Variants in BICRAL observed in about 807,000 individuals in gnomAD.
The protein encoded by BICRAL is BICRA like chromatin remodeling complex associated protein, also known as BRD4-interacting chromatin-remodeling complex-associated protein-like.
Under a neutral mutation model 91.8 loss-of-function variants are expected in BICRAL, and 8 were observed. That is an observed-to-expected ratio of 0.09 (90% confidence interval 0.05 to 0.16). BICRAL has a LOEUF of 0.16. Ranked by LOEUF, BICRAL falls within the 10% of genes least tolerant of loss-of-function variation. The probability of loss-of-function intolerance (pLI) is 1.00; values close to 1 mark genes in which losing one functional copy is unlikely to be tolerated. For synonymous variants in BICRAL, 445 were observed against 491.1 expected (o/e 0.91, Z 1.24); for missense variants, 1,038 against 1,310.9 (o/e 0.79, Z 3.21).
At chr6:42,809,112 C>A (rs1405020330) in intron 1 of BICRAL, among the ~76,000 whole-genome samples, 1 of 151,680 alleles carries the variant, frequency 6.6e-6, no homozygotes, top group Non-Finnish European at 1.5e-5. Flanking sequence ...GCACCCCCCC[C>A]AACAGGCCCC....
At chr6:42,795,724 T>G (rs1763399185) in intron 1 of BICRAL, among the ~76,000 whole-genome samples, 1 of 152,240 alleles carries the variant, frequency 6.6e-6, no homozygotes, top group Non-Finnish European at 1.5e-5. Context: ...GATTAACTTT[T>G]AAAATTAAAT....
In BICRAL at chr6:42,803,584, G is replaced by A. The variant is rs16896084; in HGVS notation, c.-101-6722G>A. ...TGTCCTTTGGAAACCAGAATCTTAGGAAAGTAATTGCATTGGGTAAACAGT... is the reference window on the plus strand; with the variant it reads ...TGTCCTTTGGAAACCAGAATCTTAGAAAAGTAATTGCATTGGGTAAACAGT... On this transcript the variant is annotated intron_variant, in intron 1 of 12. Coordinates refer to ENST00000314073, the MANE Select transcript of BICRAL (RefSeq NM_001393499.1). 5.7e-3 allele frequency among the ~76,000 whole-genome samples: 871 copies of A among 152,266 alleles called. 6 individuals are homozygous for A. The highest frequency in any genetic ancestry group is 0.018 in the African/African-American group (758 of 41,546).
intron 1 of BICRAL, among the ~76,000 whole-genome samples, chr6:42,792,767 G>A (rs1288713617): frequency 1.3e-5 from 2 of 151,806 alleles, no homozygotes; most frequent in African/African-American, 2.4e-5. Flanking sequence ...ACAAAAATTA[G>A]CCAGGTGTGG....
At chr6:42,776,638 G>A (rs772233494) in intron 1 of BICRAL, among the ~76,000 whole-genome samples, 18 of 152,144 alleles carry the variant, frequency 1.2e-4, no homozygotes, top group Admixed American at 2.0e-4. Context: ...ATGAGCCACC[G>A]TACCTGGCCA....
At chr6:42,750,441 G>A (rs1762357809) in intron 1 of BICRAL, among the ~76,000 whole-genome samples, 1 of 152,094 alleles carries the variant, frequency 6.6e-6, no homozygotes, top group East Asian at 1.9e-4. Flanking sequence ...TGGGACTACA[G>A]GTGTGAGCCC....
At position 42,815,492 on chromosome 6, in the gene BICRAL, C is replaced by T. The variant is rs114695264; in HGVS notation, c.-6+5091C>T. ...CAGGCGTGAGCCACCGTGCCCAGCC[C>T]AGAATATCTTAAATAGGCAAAACTG... On this transcript the variant is annotated intron_variant, in intron 2 of 12. Coordinates refer to ENST00000314073, the MANE Select transcript of BICRAL (RefSeq NM_001393499.1). 7.1e-3 allele frequency among the ~76,000 whole-genome samples: 1,085 copies of T among 151,982 alleles called. 6 individuals are homozygous for T. Among genetic ancestry groups the T allele is most frequent in the African/African-American group, 0.023 (958 of 41,466 alleles).
In BICRAL at chr6:42,847,348, C is replaced by A. The variant is rs7751739; in HGVS notation, c.1840-4744C>A. On this transcript the variant is annotated intron_variant, in intron 6 of 12. Coordinates refer to ENST00000314073, the MANE Select transcript of BICRAL (RefSeq NM_001393499.1). The stretch of plus-strand genomic sequence containing the variant: ...GATGTTTATCAAATTGAGAAAGATC[C>A]CCTCTATTCCTAGTTTGCTGAGAGT... 5.6e-3 allele frequency among the ~76,000 whole-genome samples: 855 copies of A among 152,174 alleles called. 10 individuals are homozygous for A. Among genetic ancestry groups the A allele is most frequent in the African/African-American group, 0.02 (817 of 41,524 alleles).
At chr6:42,828,333 G>A (rs926943664) in intron 5 of BICRAL, among the ~76,000 whole-genome samples, 160 bp from the exon 6 acceptor site, 24 of 151,282 alleles carry the variant, frequency 1.6e-4, no homozygotes, top group African/African-American at 2.2e-4. Flanking sequence ...CCCGGGAGGC[G>A]GAGCTTGCAG....
intron 6 of BICRAL, among the ~76,000 whole-genome samples, chr6:42,835,330 T>C (rs1691887613): frequency 6.6e-6 from 1 of 152,028 alleles, no homozygotes; most frequent in Non-Finnish European, 1.5e-5. Flanking sequence ...GGTTTTACCA[T>C]GTTGGCAAGG....
intron 6 of BICRAL, among the ~76,000 whole-genome samples, chr6:42,833,080 G>A (rs1764540040): frequency 6.7e-6 from 1 of 150,002 alleles, no homozygotes. Flanking sequence ...TTTTGAGATG[G>A]AGTCTCGCTC....
chr6:42,831,536 A>G lies in BICRAL; in HGVS notation c.1839+1364A>G, dbSNP rs1308731775. Among the ~76,000 whole-genome samples, 3 of 152,286 alleles carry G rather than the reference A, an allele frequency of 2.0e-5. No individual in the cohort carries two copies. In the South Asian group the frequency reaches 6.2e-4, roughly 32 times the overall value. On this transcript the variant is annotated intron_variant, in intron 6 of 12. Coordinates refer to ENST00000314073, the MANE Select transcript of BICRAL (RefSeq NM_001393499.1). ...TCATGAGCTTTAGTCCTTCACTGTCATCTGCTGATCCTTCGACGGCTCCAT... is the reference window on the plus strand; with the variant it reads ...TCATGAGCTTTAGTCCTTCACTGTCGTCTGCTGATCCTTCGACGGCTCCAT...
intron 1 of BICRAL, among the ~76,000 whole-genome samples, chr6:42,755,703 T>C (rs1171585414): frequency 6.7e-6 from 1 of 149,464 alleles, no homozygotes; most frequent in Non-Finnish European, 1.5e-5. Context: ...GGAGTCTTGC[T>C]CTGTTGCCCA....
chr6:42,860,228 C>A, intron 10 of BICRAL, 34 bp from the exon 11 acceptor site: 1 of 1,158,172 alleles, frequency 8.6e-7, no homozygotes, highest in Non-Finnish European at 1.3e-6. Flanking sequence ...GATTTACAGT[C>A]TCTCACTATT....
chr6:42,829,087 G>C lies in BICRAL; in HGVS notation c.754G>C (p.Gly252Arg). Residue 252 changes from glycine (G) to arginine (R), a missense_variant, in exon 6 of 13, where the codon GGG becomes CGG. By Grantham distance (125) the Gly-to-Arg change is moderately radical. Around this residue, in one of 5 missense-constraint regions of BICRAL, gnomAD observed 532 missense variants for 724.9 expected, o/e 0.73. Transcript: ENST00000314073. ...GQQAPSNVSG[G>R]LLVHRQTPNG... ...GCAAGCCCCATCAAATGTGAGTGGA[G>C]GGCTCCTGGTTCATAGACAGACTCC... is the stretch of plus-strand genomic sequence containing the variant. 6.2e-7 allele frequency: 1 copy of C among 1,614,140 alleles called. No homozygotes were observed. The highest frequency in any genetic ancestry group is 8.5e-7 in the Non-Finnish European group (1 of 1,180,020).
intron 6 of BICRAL, among the ~76,000 whole-genome samples, chr6:42,849,381 T>C (rs1450890133): frequency 1.3e-5 from 2 of 151,584 alleles, no homozygotes; most frequent in Non-Finnish European, 2.9e-5. Context: ...TCACCACATC[T>C]GGCCTCCTTT....
intron 1 of BICRAL, among the ~76,000 whole-genome samples, chr6:42,762,785 T>G (rs10948045): frequency 0.4 from 60,619 of 151,926 alleles, 13,058 homozygotes; most frequent in African/African-American, 0.57. Context: ...AACTTAAGCC[T>G]GGTGTGGTGG....
intron 5 of BICRAL, among the ~76,000 whole-genome samples, chr6:42,824,849 A>G (rs1764243696): frequency 6.6e-6 from 1 of 152,228 alleles, no homozygotes; most frequent in Admixed American, 6.5e-5. Context: ...TCAGCCAGAC[A>G]TGGTGGCCCA....
chr6:42,793,780 T>G (rs1763344340), intron 1 of BICRAL, among the ~76,000 whole-genome samples: 1 of 146,530 alleles, frequency 6.8e-6, no homozygotes, highest in African/African-American at 2.5e-5. Context: ...TTTTTTTTTT[T>G]TTTTTTGAGA....
intron 10 of BICRAL, among the ~76,000 whole-genome samples, chr6:42,859,766 C>T (rs980727059): frequency 6.6e-6 from 1 of 151,946 alleles, no homozygotes; most frequent in Non-Finnish European, 1.5e-5. Flanking sequence ...CTCAGCCTCT[C>T]GAGTAGCTGG....
Sources: allele counts gnomAD v4.1 joint callset (sites outside exome capture counted in the v4.1 genomes callset), GRCh38; gene constraint gnomAD v4.1.1; regional missense constraint gnomAD v4.1.1; transcripts MANE v1.5; gene names NCBI Gene and HGNC (gene_info 2026-07-23, HGNC 2026-07-21).